C1GALT1: variants seen among roughly 807,000 people sequenced by gnomAD.
The protein encoded by C1GALT1 is glycoprotein-N-acetylgalactosamine 3-beta-galactosyltransferase 1.
In C1GALT1, 11 loss-of-function variants were observed where a neutral mutation model predicts 31.0. The ratio of observed to expected loss-of-function variants is 0.36; its 90% CI spans 0.22 to 0.59. C1GALT1 has a LOEUF of 0.59. C1GALT1 is among the 20% of genes least tolerant of loss of function. The pLI is 0.79. For missense variants in C1GALT1, 424 were observed against 425.2 expected, an observed-to-expected ratio of 1.00 and a Z score of 0.03; for synonymous variants, 175 against 143.6, an observed-to-expected ratio of 1.22 and a Z score of -1.56.
At chr7:7,177,978 G>T, upstream of C1GALT1, 1 of 217,672 alleles carries the variant, frequency 4.6e-6, no homozygotes, top group South Asian at 7.9e-5. Context: ...ATAAAACTGG[G>T]GGCACTGAAA....
At chr7:7,199,268 T>C (rs554159614) in intron 1 of C1GALT1, among the ~76,000 whole-genome samples, 1 of 152,306 alleles carries the variant, frequency 6.6e-6, no homozygotes, top group East Asian at 1.9e-4. Flanking sequence ...AAGAACATCT[T>C]TTATTTCTGC....
chr7:7,198,385 A>C (rs1781390161), intron 1 of C1GALT1, among the ~76,000 whole-genome samples: 1 of 152,176 alleles, frequency 6.6e-6, no homozygotes, highest in African/African-American at 2.4e-5. Context: ...GATGAAGCCA[A>C]CTTGATTGTG....
At position 7,246,713 on chromosome 7, in the gene C1GALT1, C is replaced by T. The variant is rs1358985937; in HGVS notation, c.*2986C>T. The T allele has an allele frequency of 6.6e-6, 1 of 152,448 alleles. No individual in the cohort carries two copies. Among genetic ancestry groups the T allele is most frequent in the Non-Finnish European group, 1.5e-5 (1 of 68,218 alleles). The allele number at this position is 152,448 out of a possible 1,614,324, so 9.4% of individuals were successfully genotyped here. On this transcript the variant is annotated 3_prime_UTR_variant, in exon 4 of 4. Coordinates refer to ENST00000436587, the MANE Select transcript of C1GALT1 (RefSeq NM_020156.5). ...GGGCTAGCAGTTGTGTTTAAGCAAA[C>T]TCTGCAGGTGTCTTTCTTATCCTAG...
intron 1 of C1GALT1, among the ~76,000 whole-genome samples, chr7:7,228,258 C>T (rs118105925): frequency 1.5e-3 from 225 of 152,250 alleles, no homozygotes; most frequent in Non-Finnish European, 2.8e-3. Flanking sequence ...CAATGAATAG[C>T]ATAAAGCTGT....
chr7:7,246,196 A>G lies in C1GALT1; in HGVS notation c.*2469A>G, dbSNP rs1310578333. 6.7e-6 allele frequency: 1 copy of G among 149,844 alleles called. No individual in the cohort carries two copies. The highest frequency in any genetic ancestry group is 1.5e-5 in the Non-Finnish European group (1 of 67,678). 9.3% of individuals were successfully genotyped at this position (149,844 alleles called of 1,614,324 possible). A position where few individuals can be genotyped will look rare whatever the true frequency, so the allele number is the denominator to read the frequency against. On this transcript the variant is annotated 3_prime_UTR_variant, in exon 4 of 4. Coordinates refer to ENST00000436587, the MANE Select transcript of C1GALT1 (RefSeq NM_020156.5). Reference sequence around the variant, plus strand: ...CTCAAAATTTGGGTGTTATACCCCTATTATAGATAAGGAAACTGAGGCTCA... The same window carrying G: ...CTCAAAATTTGGGTGTTATACCCCTGTTATAGATAAGGAAACTGAGGCTCA...
intron 1 of C1GALT1, among the ~76,000 whole-genome samples, chr7:7,197,433 T>G (rs537375566): frequency 3.3e-4 from 50 of 152,340 alleles, no homozygotes; most frequent in African/African-American, 1.1e-3. Flanking sequence ...CATGCTGTTT[T>G]GGTTACTGTA....
At chr7:7,169,662 G>C (rs1027256543) in intron 2 of C1GALT1, among the ~76,000 whole-genome samples, 7 of 151,770 alleles carry the variant, frequency 4.6e-5, no homozygotes, top group Non-Finnish European at 1.0e-4. Context: ...GTGCTTATTA[G>C]CCATTTGTAC....
At chr7:7,185,948 G>T (rs10255843) in intron 1 of C1GALT1, among the ~76,000 whole-genome samples, 1 of 152,134 alleles carries the variant, frequency 6.6e-6, no homozygotes, top group Non-Finnish European at 1.5e-5. Flanking sequence ...TCTGTTTTCT[G>T]TTGCCTCTAG....
intron 2 of C1GALT1, among the ~76,000 whole-genome samples, chr7:7,236,944 G>A (rs756621468): frequency 5.9e-5 from 9 of 152,158 alleles, no homozygotes; most frequent in Non-Finnish European, 7.4e-5. Flanking sequence ...TCTGTAACTT[G>A]CTGTTTGACC....
intron 1 of C1GALT1, among the ~76,000 whole-genome samples, chr7:7,218,426 A>G (rs562542659): frequency 7.9e-5 from 12 of 152,320 alleles, no homozygotes; most frequent in African/African-American, 2.9e-4. Context: ...TTGTTTGCAG[A>G]TAGTAGTAAA....
At chr7:7,204,318 C>T (rs757178009) in intron 1 of C1GALT1, among the ~76,000 whole-genome samples, 29 of 151,994 alleles carry the variant, frequency 1.9e-4, no homozygotes, top group Non-Finnish European at 2.6e-4. Context: ...GTGTTTCTCA[C>T]AGTTTTTCCT....
At chr7:7,182,885 C>T (rs907846172) in intron 1 of C1GALT1, 65 bp downstream of exon 1, 166 of 978,142 alleles carry the variant, frequency 1.7e-4, no homozygotes, top group Non-Finnish European at 2.0e-4. Context: ...GCCCTCCCCC[C>T]TCTCCGGGTT....
chr7:7,237,615 T>TTACATTTTGGAATGAG (rs1197561116), intron 2 of C1GALT1, among the ~76,000 whole-genome samples: 1 of 152,196 alleles, frequency 6.6e-6, no homozygotes, highest in South Asian at 2.1e-4. Context: ...ATTGGTGGAT[T>TTACATTTTGGAATGAG]TACATTTTGG....
At chr7:7,192,381 A>G (rs1781111999) in intron 1 of C1GALT1, among the ~76,000 whole-genome samples, 1 of 152,064 alleles carries the variant, frequency 6.6e-6, no homozygotes, top group African/African-American at 2.4e-5. Context: ...TATGAGTGAC[A>G]ACTTACAATG....
chr7:7,183,968 C>A (rs577516119), intron 1 of C1GALT1, among the ~76,000 whole-genome samples: 8 of 152,030 alleles, frequency 5.3e-5, no homozygotes, highest in Non-Finnish European at 1.2e-4. Context: ...CATAGCTCTG[C>A]CAGGAAAAAG....
intron 2 of C1GALT1, among the ~76,000 whole-genome samples, chr7:7,169,879 G>C (rs1780434942): frequency 3.3e-5 from 5 of 152,204 alleles, no homozygotes; most frequent in Admixed American, 3.3e-4. Context: ...GAAAAAGTTA[G>C]AAAGTGTTCT....
chr7:7,185,842 T>C (rs949768488), intron 1 of C1GALT1, among the ~76,000 whole-genome samples: 2 of 152,228 alleles, frequency 1.3e-5, no homozygotes, highest in Admixed American at 6.5e-5. Flanking sequence ...TTTTACATCG[T>C]TCAGTAAATG....
At position 7,238,262 on chromosome 7, in the gene C1GALT1, C is replaced by T. The variant is rs760918216; in HGVS notation, c.228C>T (p.Asn76=). The T allele has an allele frequency of 5.0e-6, 8 of 1,597,158 alleles. No homozygotes were observed. Among genetic ancestry groups the T allele is most frequent in the Non-Finnish European group, 6.8e-6 (8 of 1,174,844 alleles). Residue 76 remains asparagine (N), a synonymous_variant, in exon 3 of 4, where the codon AAC becomes AAT. Transcript: ENST00000436587. The surrounding 1 kb of genome is among the most constrained non-coding windows in gnomAD (Gnocchi z 5.2). ...NADSSQHKDE[N]TDIAENLYQK... is the part of the protein sequence containing the mutation. The stretch of plus-strand genomic sequence containing the variant: ...AAATGTTTTGTTTAATAGATGAGAA[C>T]ACAGACATTGCTGAAAACCTCTATC...
chr7:7,205,255 C>A (rs1257349725), intron 1 of C1GALT1, among the ~76,000 whole-genome samples: 1 of 152,048 alleles, frequency 6.6e-6, no homozygotes, highest in Non-Finnish European at 1.5e-5. Flanking sequence ...GATGCTATCC[C>A]CCCCACGGAA....
Sources: gnomAD v4.1 joint callset for allele counts (sites outside exome capture counted in the v4.1 genomes callset) on GRCh38, gnomAD v4.1.1 for gene constraint, Gnocchi (gnomAD v3.1) non-coding constraint, MANE v1.5 for transcripts, NCBI Gene and HGNC (gene_info 2026-07-23, HGNC 2026-07-21) for gene names.